ROBO1: variants seen among roughly 807,000 people sequenced by gnomAD.
ROBO1 encodes the protein roundabout homolog 1.
A neutral mutation model predicts 195.9 loss-of-function variants in ROBO1; 149 were observed. The observed-to-expected ratio is 0.76, with a 90% confidence interval of 0.67 to 0.87. The LOEUF (loss-of-function observed/expected upper bound fraction) is 0.87, where lower values mean the gene tolerates loss of function less well. ROBO1 is among the 40% of genes least tolerant of loss of function. The probability of loss-of-function intolerance (pLI) is 0.00; values close to 1 mark genes in which losing one functional copy is unlikely to be tolerated. For synonymous variants in ROBO1, 816 were observed against 733.2 expected (o/e 1.11, Z -1.82); for missense variants, 1,933 against 2,068.3 (o/e 0.93, Z 1.27).
At chr3:79,656,391 A>G (rs4856228) in intron 1 of ROBO1, among the ~76,000 whole-genome samples, 90,358 of 151,818 alleles carry the variant, frequency 0.6, 27,366 homozygotes, top group African/African-American at 0.7. Flanking sequence ...CTTTAAAAAT[A>G]TTTAGGAGGG....
rs374840038 is a variant in ROBO1, at chr3:79,134,224, G to A, written c.89-8685C>T. On this transcript the variant is annotated intron_variant, in intron 2 of 30. Transcript: ENST00000464233. ...CAAACAACCCCATCAAAAAGTGGGC[G>A]AAGGACATGAACAGACACTTCTCAA... is the stretch of plus-strand genomic sequence containing the variant. Among the ~76,000 whole-genome samples the A allele has an allele frequency of 1.1e-3, 145 of 134,166 alleles. 1 individual carries two copies. The highest frequency in any genetic ancestry group is 7.0e-3 in the East Asian group (32 of 4,540). The allele number at this position is 134,166 out of a possible 152,430, so 88.0% of individuals were successfully genotyped here. A position where few individuals can be genotyped will look rare whatever the true frequency, so the allele number is the denominator to read the frequency against.
intron 2 of ROBO1, among the ~76,000 whole-genome samples, chr3:79,147,867 A>G (rs1325926879): frequency 6.6e-6 from 1 of 151,938 alleles, no homozygotes; most frequent in Non-Finnish European, 1.5e-5. Context: ...AGCTATACGT[A>G]AAACCAGATT....
chr3:78,864,083 T>G (rs2035016641), intron 4 of ROBO1, among the ~76,000 whole-genome samples: 1 of 152,210 alleles, frequency 6.6e-6, no homozygotes, highest in African/African-American at 2.4e-5. Context: ...CATTTACTCC[T>G]TCTTCATCAG....
At chr3:79,680,746 A>G (rs1213375422) in intron 1 of ROBO1, among the ~76,000 whole-genome samples, 4 of 152,032 alleles carry the variant, frequency 2.6e-5, no homozygotes, top group African/African-American at 9.7e-5. Flanking sequence ...GTTGTATTAT[A>G]ATGACATAGC....
chr3:79,142,126 T>G (rs1490993929), intron 2 of ROBO1, among the ~76,000 whole-genome samples: 1 of 152,150 alleles, frequency 6.6e-6, no homozygotes, highest in African/African-American at 2.4e-5. Flanking sequence ...ATAGCTATTT[T>G]TAAGAAATGT....
chr3:79,646,296 G>A (rs1945819699), intron 1 of ROBO1, among the ~76,000 whole-genome samples: 1 of 152,014 alleles, frequency 6.6e-6, no homozygotes. Flanking sequence ...ATGTCCAACA[G>A]GTAAATGAAA....
rs145946603 is a variant in ROBO1 at position 79,176,988 on chromosome 3, C to G, written c.89-51449G>C. ...GTGTCTCTGTCTCAATACAAAATAA[C>G]GGCAAGACAATCTATATTCTTGAAG... is the stretch of plus-strand genomic sequence containing the variant. On this transcript the variant is annotated intron_variant, in intron 2 of 30. Coordinates refer to ENST00000464233, the MANE Select transcript of ROBO1 (RefSeq NM_002941.4). 6.5e-4 allele frequency among the ~76,000 whole-genome samples: 99 copies of G among 152,210 alleles called. 1 individual carries two copies. Among genetic ancestry groups the G allele is most frequent in the Non-Finnish European group, 2.4e-4 (16 of 68,022 alleles).
At chr3:79,228,164 G>A (rs2082259748) in intron 2 of ROBO1, among the ~76,000 whole-genome samples, 1 of 151,236 alleles carries the variant, frequency 6.6e-6, no homozygotes, top group African/African-American at 2.4e-5. Flanking sequence ...TTGTAATAAA[G>A]GACAAAGAAG....
intron 1 of ROBO1, among the ~76,000 whole-genome samples, chr3:79,614,137 C>T (rs748945615): frequency 1.3e-5 from 2 of 152,026 alleles, no homozygotes; most frequent in African/African-American, 2.4e-5. Flanking sequence ...AACTACACTA[C>T]CAACCAATTT....
chr3:78,966,009 G>C (rs1461176880), intron 3 of ROBO1, among the ~76,000 whole-genome samples: 1 of 152,176 alleles, frequency 6.6e-6, no homozygotes, highest in Non-Finnish European at 1.5e-5. Flanking sequence ...CCAATCCCCA[G>C]CTGCAGCAGC....
chr3:79,744,627 C>T (rs1233381571), intron 1 of ROBO1, among the ~76,000 whole-genome samples: 1 of 152,124 alleles, frequency 6.6e-6, no homozygotes, highest in Non-Finnish European at 1.5e-5. Context: ...AGTTCTCAGT[C>T]TCCAGAACTA....
chr3:79,545,667 C>T (rs1392704648), intron 2 of ROBO1, among the ~76,000 whole-genome samples: 1 of 152,026 alleles, frequency 6.6e-6, no homozygotes, highest in Admixed American at 6.6e-5. Context: ...AATAGGCCTG[C>T]ATTACAAAAT....
At position 79,152,431 on chromosome 3, in the gene ROBO1, C is replaced by T. The variant is rs141357232; in HGVS notation, c.89-26892G>A. 1.8e-3 allele frequency among the ~76,000 whole-genome samples: 275 copies of T among 151,796 alleles called. 1 individual carries two copies. Among genetic ancestry groups the T allele is most frequent in the South Asian group, 9.9e-3 (48 of 4,828 alleles). On this transcript the variant is annotated intron_variant, in intron 2 of 30. Coordinates refer to ENST00000464233, the MANE Select transcript of ROBO1 (RefSeq NM_002941.4). ...GACTAAGGTGGTACAAGAATATGTG[C>T]GTTGACCCTTCACTGCATTTCTACT...
Position 78,964,801 on chromosome 3 carries a change from GT to G in ROBO1, c.173-25875del, listed in dbSNP as rs146761550. 2.8e-3 allele frequency among the ~76,000 whole-genome samples: 400 copies of G among 143,640 alleles called. 3 individuals are homozygous for G. The highest frequency in any genetic ancestry group is 9.5e-3 in the African/African-American group (373 of 39,236). 94.2% of individuals were successfully genotyped at this position (143,640 alleles called of 152,430 possible). On this transcript the variant is annotated intron_variant, in intron 3 of 30. Coordinates refer to ENST00000464233, the MANE Select transcript of ROBO1 (RefSeq NM_002941.4). ...TCTAAAAGAGGAAAGCAAGCTTAGG[GT>G]TTTTTTTTTGTTTTTTTTTTTTAAA...
chr3:79,274,903 A>G (rs1246115197), intron 2 of ROBO1, among the ~76,000 whole-genome samples: 1 of 151,988 alleles, frequency 6.6e-6, no homozygotes, highest in Non-Finnish European at 1.5e-5. Flanking sequence ...ATAAATTCCT[A>G]GAAACATACA....
intron 2 of ROBO1, among the ~76,000 whole-genome samples, chr3:79,157,810 C>T (rs909648094): frequency 6.6e-6 from 1 of 151,834 alleles, no homozygotes; most frequent in African/African-American, 2.4e-5. Context: ...GAACTCCTTT[C>T]AGAAATATTC....
At chr3:79,251,028 G>A (rs762563105) in intron 2 of ROBO1, among the ~76,000 whole-genome samples, 1 of 152,190 alleles carries the variant, frequency 6.6e-6, no homozygotes, top group East Asian at 1.9e-4. Context: ...GCACTCCAGC[G>A]TGGGTGACAG....
intron 1 of ROBO1, among the ~76,000 whole-genome samples, chr3:79,685,825 T>G (rs1947088458): frequency 6.6e-6 from 1 of 152,136 alleles, no homozygotes; most frequent in Non-Finnish European, 1.5e-5. Context: ...CTTCTGAAAC[T>G]ATTCCAATCA....
At chr3:79,502,861 T>A (rs988917057) in intron 2 of ROBO1, among the ~76,000 whole-genome samples, 1 of 151,360 alleles carries the variant, frequency 6.6e-6, no homozygotes, top group African/African-American at 2.4e-5. Flanking sequence ...AGTGGGGAGG[T>A]GGAGAACTTT....
Sources: gnomAD v4.1 joint callset for allele counts (sites outside exome capture counted in the v4.1 genomes callset) on GRCh38, gnomAD v4.1.1 for gene constraint, MANE v1.5 for transcripts, NCBI Gene and HGNC (gene_info 2026-07-23, HGNC 2026-07-21) for gene names.